The following LAMA1 variants were observed in gnomAD, a reference collection of about 807,000 sequenced individuals.
LAMA1 encodes laminin subunit alpha-1.
Under a neutral mutation model 348.7 loss-of-function variants are expected in LAMA1, and 219 were observed. The observed-to-expected ratio is 0.63, with a 90% confidence interval of 0.56 to 0.70. The LOEUF (loss-of-function observed/expected upper bound fraction) is 0.70, where lower values mean the gene tolerates loss of function less well. Ranked by LOEUF, LAMA1 falls within the 30% of genes least tolerant of loss-of-function variation. The pLI is 0.00. For synonymous variants in LAMA1, 1,487 were observed against 1,491.0 expected, an observed-to-expected ratio of 1.00 and a Z score of 0.06; for missense variants, 3,744 against 3,888.0, an observed-to-expected ratio of 0.96 and a Z score of 0.99.
chr18:6,999,695 T>G (rs693754), intron 31 of LAMA1, 57 bp from the exon 32 acceptor site: 1 of 1,427,480 alleles, frequency 7.0e-7, no homozygotes, highest in South Asian at 1.2e-5. Flanking sequence ...GCTTCTAACT[T>G]GCGACAGTAA....
intron 1 of LAMA1, among the ~76,000 whole-genome samples, chr18:7,087,584 CT>C (rs1372962700): frequency 1.3e-5 from 2 of 152,212 alleles, no homozygotes; most frequent in Non-Finnish European, 2.9e-5. Context: ...TATTGAGTGT[CT>C]AACCTGTGTG....
intron 57 of LAMA1, among the ~76,000 whole-genome samples, chr18:6,951,711 G>A (rs8086875): frequency 0.74 from 112,255 of 151,752 alleles, 42,194 homozygotes; most frequent in East Asian, 0.84. Context: ...GCCAACGGGA[G>A]GGAGTCGGGT....
chr18:7,085,497 C>T (rs1449461803), intron 1 of LAMA1, among the ~76,000 whole-genome samples: 1 of 145,564 alleles, frequency 6.9e-6, no homozygotes, highest in Non-Finnish European at 1.5e-5. Context: ...CCGCTCACTG[C>T]AAGCTCCACC....
At position 6,975,174 on chromosome 18, in the gene LAMA1, C is replaced by T. The variant is rs1281051887; in HGVS notation, c.6490-138G>A. ...TACATAAAAAGCAAACCCCCCAAATCTATTTTCTTTTGTTTGAAATGGTCC... is the reference window on the plus strand; with the variant it reads ...TACATAAAAAGCAAACCCCCCAAATTTATTTTCTTTTGTTTGAAATGGTCC... On this transcript the variant is annotated intron_variant, in intron 45 of 62. Transcript: ENST00000389658. 38 of 1,108,988 alleles carry T rather than the reference C, an allele frequency of 3.4e-5. No individual in the cohort carries two copies. The Admixed American group carries it at 9.1e-4, about 27-fold the overall frequency. 68.7% of individuals were successfully genotyped at this position (1,108,988 alleles called of 1,614,324 possible).
At chr18:7,029,997 G>T (rs936009528) in intron 16 of LAMA1, among the ~76,000 whole-genome samples, 1 of 150,904 alleles carries the variant, frequency 6.6e-6, no homozygotes. Flanking sequence ...AACCAGCAAG[G>T]TTAGATTTAA....
intron 46 of LAMA1, among the ~76,000 whole-genome samples, chr18:6,973,869 C>G (rs768122695): frequency 1.7e-4 from 26 of 152,214 alleles, no homozygotes; most frequent in Non-Finnish European, 1.0e-4. Flanking sequence ...CAGCCTTGAC[C>G]TCCTGTGCTC....
chr18:7,001,831 C>T (rs1330064233), intron 30 of LAMA1, among the ~76,000 whole-genome samples: 2 of 152,102 alleles, frequency 1.3e-5, no homozygotes, highest in Non-Finnish European at 2.9e-5. Context: ...ATTTTATCAC[C>T]ATGTGGTATT....
intron 61 of LAMA1, 112 bp downstream of exon 61, chr18:6,947,051 C>A: frequency 7.3e-7 from 1 of 1,365,856 alleles, no homozygotes; most frequent in Non-Finnish European, 1.0e-6. Flanking sequence ...GTAATGGGAC[C>A]ATTGTTTGAC....
At chr18:6,979,724 C>T (rs11663547) in intron 42 of LAMA1, among the ~76,000 whole-genome samples, 140,264 of 151,448 alleles carry the variant, frequency 0.93, 64,993 homozygotes, top group Admixed American at 0.95. Flanking sequence ...ACGGTGAAAC[C>T]CCATCTCTAC....
intron 1 of LAMA1, among the ~76,000 whole-genome samples, chr18:7,085,098 G>A (rs1269166020): frequency 6.6e-6 from 1 of 152,022 alleles, no homozygotes; most frequent in African/African-American, 2.4e-5. Context: ...CAAAATCAAG[G>A]TGATGTTCTG....
chr18:6,974,608 C>G (rs1414104773), intron 46 of LAMA1, among the ~76,000 whole-genome samples: 1 of 151,920 alleles, frequency 6.6e-6, no homozygotes, highest in Non-Finnish European at 1.5e-5. Context: ...AGGCACCCAC[C>G]ACCACGCCCA....
chr18:7,057,588 C>T (rs1465385955), intron 3 of LAMA1, among the ~76,000 whole-genome samples: 1 of 150,290 alleles, frequency 6.7e-6, no homozygotes, highest in African/African-American at 2.4e-5. Context: ...GATTCTCCTA[C>T]CTCAGCCTCC....
intron 1 of LAMA1, among the ~76,000 whole-genome samples, chr18:7,104,066 G>A (rs1183384436): frequency 6.6e-6 from 1 of 151,968 alleles, no homozygotes; most frequent in Non-Finnish European, 1.5e-5. Flanking sequence ...TGCAACCTCC[G>A]CCTCCTAGGT....
At chr18:7,009,111 G>C in intron 27 of LAMA1, 128 bp downstream of exon 27, 1 of 1,015,084 alleles carries the variant, frequency 9.9e-7, no homozygotes, top group Non-Finnish European at 1.5e-6. Context: ...ATTTAACAAT[G>C]TTTTGGTAAG....
At chr18:7,097,778 T>C (rs1259493786) in intron 1 of LAMA1, among the ~76,000 whole-genome samples, 1 of 152,184 alleles carries the variant, frequency 6.6e-6, no homozygotes, top group Non-Finnish European at 1.5e-5. Flanking sequence ...TCAACAAATG[T>C]TGCTGGGACC....
At chr18:7,085,519 T>G (rs192215868) in intron 1 of LAMA1, among the ~76,000 whole-genome samples, 2 of 149,160 alleles carry the variant, frequency 1.3e-5, no homozygotes, top group East Asian at 2.0e-4. Context: ...CCCGGGTTCA[T>G]GCCATTCTCC....
At chr18:6,962,571 G>C (rs1023744084) in intron 51 of LAMA1, among the ~76,000 whole-genome samples, 4 of 152,206 alleles carry the variant, frequency 2.6e-5, no homozygotes, top group African/African-American at 4.8e-5. Context: ...CTTAGGACTA[G>C]AGAAAGGGAT....
intron 52 of LAMA1, 36 bp downstream of exon 52, chr18:6,961,909 G>A (rs771860391): frequency 2.5e-6 from 4 of 1,583,702 alleles, no homozygotes; most frequent in South Asian, 1.1e-5. Context: ...GACACTTATG[G>A]AAACTCATTT....
At chr18:7,049,482 T>C (rs2058054673) in intron 4 of LAMA1, among the ~76,000 whole-genome samples, 1 of 152,116 alleles carries the variant, frequency 6.6e-6, no homozygotes, top group Non-Finnish European at 1.5e-5. Context: ...GTATTTTTAG[T>C]AGAGACAGGG....
Sources: allele counts gnomAD v4.1 joint callset (sites outside exome capture counted in the v4.1 genomes callset), GRCh38; gene constraint gnomAD v4.1.1; transcripts MANE v1.5; gene names NCBI Gene and HGNC (gene_info 2026-07-23, HGNC 2026-07-21).